Variants in PKD1L3 observed in about 807,000 individuals in gnomAD.
The protein encoded by PKD1L3 is polycystin 1 like 3, transient receptor potential channel interacting.
In PKD1L3, 239 loss-of-function variants were observed where a neutral mutation model predicts 184.1. That is an observed-to-expected ratio of 1.30 (90% CI 1.17 to 1.45). The LOEUF is 1.45. Among genes scored for constraint, PKD1L3 ranks in the 40% most tolerant of loss-of-function variants. PKD1L3 has a pLI of 0.00. For synonymous variants in PKD1L3, 996 were observed against 778.8 expected (o/e 1.28, Z -4.64); for missense variants, 2,660 against 2,067.2 (o/e 1.29, Z -5.56).
chr16:71,999,604 T>A lies in PKD1L3; in HGVS notation c.295+80A>T, dbSNP rs950389251. 9 of 1,303,954 alleles carry A rather than the reference T, an allele frequency of 6.9e-6. No homozygotes were observed. The Admixed American group carries it at 1.0e-4, about 15-fold the overall frequency. The allele number at this position is 1,303,954 out of a possible 1,614,324, so 80.8% of individuals were successfully genotyped here. The stretch of plus-strand genomic sequence containing the variant: ...TTTCTGTCTACAAAAGCAGAAAGAT[T>A]AAGATTTTCTTTTTTTTTTCTGTCC... On this transcript the variant is annotated intron_variant, in intron 1 of 29. Coordinates refer to ENST00000620267, the MANE Select transcript of PKD1L3 (RefSeq NM_181536.2).
chr16:71,935,413 T>G lies in PKD1L3; in HGVS notation c.4558A>C (p.Lys1520Gln). 1 of 1,551,882 alleles carries G rather than the reference T, an allele frequency of 6.4e-7. No homozygotes were observed. The highest frequency in any genetic ancestry group is 8.7e-7 in the Non-Finnish European group (1 of 1,146,984). ...ISFILLGLDM[K>Q]SISLHKKNMA... Reference sequence around the variant, plus strand: ...TTTTTCTTATGTAGAGAAATACTCTTCATGTCAAGCCCCAGGAGGATGAAG... The same window carrying G: ...TTTTTCTTATGTAGAGAAATACTCTGCATGTCAAGCCCCAGGAGGATGAAG... Residue 1520 changes from lysine to glutamine, a missense_variant, in exon 26 of 30, where the codon AAG (lysine) becomes CAG (glutamine). Physicochemically the swap from Lys to Gln is moderately conservative, Grantham distance 53 (BLOSUM62 1). Transcript: ENST00000620267.
chr16:71,982,017 T>C (rs2040178525), intron 7 of PKD1L3, 42 bp downstream of exon 7: 11 of 1,461,980 alleles, frequency 7.5e-6, no homozygotes, highest in Non-Finnish European at 1.0e-5. Context: ...AAGATTAAAA[T>C]GCTTCTAAGC....
At position 71,993,294 on chromosome 16, in the gene PKD1L3, C is replaced by A. The variant is rs1432061896; in HGVS notation, c.457G>T (p.Gly153Ter). 20 of 1,548,546 alleles carry A rather than the reference C, an allele frequency of 1.3e-5. No individual in the cohort carries two copies. Among genetic ancestry groups the A allele is most frequent in the Non-Finnish European group, 1.7e-5 (19 of 1,146,016 alleles). Residue 153 changes from glycine to a stop codon, truncating the protein, a stop_gained, in exon 3 of 30, where the codon GGA becomes TGA. Transcript: ENST00000620267. LOFTEE classifies it high-confidence loss of function. ...CTCTGGTACAAATGGGAATTATTTC[C>A]ATTTCTTTCATAATGGGCATCTCCG... ...LDGDAHYERN[G>*]NNSHLYQRHK...
intron 16 of PKD1L3, among the ~76,000 whole-genome samples, chr16:71,957,867 C>G (rs11647844): frequency 2.6e-5 from 4 of 151,868 alleles, no homozygotes; most frequent in Admixed American, 2.6e-4. Flanking sequence ...TTACTAGAGC[C>G]AAAGACATTT....
At chr16:71,955,888 A>C (rs981766095) in intron 16 of PKD1L3, among the ~76,000 whole-genome samples, 1 of 152,178 alleles carries the variant, frequency 6.6e-6, no homozygotes, top group Non-Finnish European at 1.5e-5. Flanking sequence ...CCCTTCTGCC[A>C]TGATTGTAAG....
chr16:71,978,160 A>G (rs1459084864), intron 10 of PKD1L3, 95 bp downstream of exon 10: 18 of 1,357,516 alleles, frequency 1.3e-5, no homozygotes, highest in Middle Eastern at 2.0e-4. Context: ...ACTGCCATCA[A>G]TCTAACATAA....
intron 5 of PKD1L3, among the ~76,000 whole-genome samples, chr16:71,984,816 G>A (rs369637742): frequency 1.9e-4 from 29 of 152,274 alleles, no homozygotes; most frequent in South Asian, 6.2e-4. Context: ...CCGAGATTGC[G>A]CCACTGCACT....
chr16:71,977,599 G>A (rs1290775172), intron 10 of PKD1L3, 132 bp from the exon 11 acceptor site: 1 of 633,668 alleles, frequency 1.6e-6, no homozygotes, highest in Middle Eastern at 4.5e-4. Flanking sequence ...GTCTTGCTAT[G>A]TTGGCCACGT....
At chr16:71,988,276 C>A (rs2040451432) in intron 4 of PKD1L3, among the ~76,000 whole-genome samples, 1 of 152,162 alleles carries the variant, frequency 6.6e-6, no homozygotes, top group African/African-American at 2.4e-5. Flanking sequence ...CTCACCGCAA[C>A]CTCCACCTCC....
At chr16:71,952,799 C>T in intron 18 of PKD1L3, 95 bp downstream of exon 18, 1 of 1,323,804 alleles carries the variant, frequency 7.6e-7, no homozygotes, top group Non-Finnish European at 1.0e-6. Flanking sequence ...GGTTGCACCA[C>T]TACACTCCAG....
intron 2 of PKD1L3, among the ~76,000 whole-genome samples, chr16:71,997,997 G>A (rs117764199): frequency 6.6e-6 from 1 of 152,064 alleles, no homozygotes; most frequent in African/African-American, 2.4e-5. Flanking sequence ...TGTGGAAAAT[G>A]GTGTCACCAA....
intron 16 of PKD1L3, among the ~76,000 whole-genome samples, chr16:71,961,530 A>G (rs1174878824): frequency 6.6e-6 from 1 of 150,796 alleles, no homozygotes; most frequent in Non-Finnish European, 1.5e-5. Flanking sequence ...CCTGTGAAAA[A>G]TGCCACTCTC....
chr16:71,963,176 C>T (rs912921056), intron 16 of PKD1L3, 29 bp downstream of exon 16: 4 of 1,511,744 alleles, frequency 2.6e-6, no homozygotes, highest in East Asian at 2.5e-5. Context: ...CATCAATATT[C>T]ACTGTTAATA....
intron 11 of PKD1L3, among the ~76,000 whole-genome samples, chr16:71,975,540 A>T (rs6499554): frequency 1.1e-4 from 16 of 151,974 alleles, no homozygotes; most frequent in Non-Finnish European, 2.2e-4. Flanking sequence ...TCTACAATAT[A>T]TAAATGTGAA....
intron 12 of PKD1L3, 103 bp downstream of exon 12, chr16:71,973,221 G>A: frequency 2.2e-6 from 3 of 1,334,918 alleles, no homozygotes; most frequent in East Asian, 2.5e-5. Flanking sequence ...CAAACCACCT[G>A]ATTATTTTTC....
intron 17 of PKD1L3, 23 bp from the exon 18 acceptor site, chr16:71,953,116 A>G: frequency 7.0e-7 from 1 of 1,437,080 alleles, no homozygotes; most frequent in Non-Finnish European, 9.2e-7. Flanking sequence ...CATGACATCA[A>G]CTTTCATCTT....
At position 71,951,625 on chromosome 16, in the gene PKD1L3, G is replaced by A. The variant is rs545366386; in HGVS notation, c.3129C>T (p.Leu1043=). ...ITKLVKLLSS[L]VSSHLEGQGC... The stretch of plus-strand genomic sequence containing the variant: ...CTTGACCCTCCAAGTGAGATGATAC[G>A]AGGCTGGATAAAAGTTTCACCAGCT... The change falls in exon 19 of 30, where the codon CTC becomes CTT. Residue 1043 remains leucine (L), a synonymous_variant. Coordinates refer to ENST00000620267, the MANE Select transcript of PKD1L3 (RefSeq NM_181536.2). The A allele has an allele frequency of 3.8e-5, 59 of 1,551,760 alleles. No homozygotes were observed. The highest frequency in any genetic ancestry group is 3.4e-4 in the African/African-American group (25 of 73,152).
chr16:71,976,541 G>C (rs1339681129), intron 11 of PKD1L3, among the ~76,000 whole-genome samples: 1 of 152,064 alleles, frequency 6.6e-6, no homozygotes, highest in Non-Finnish European at 1.5e-5. Flanking sequence ...ACAGGTATGA[G>C]CCACTCTGCC....
intron 25 of PKD1L3, among the ~76,000 whole-genome samples, chr16:71,936,300 G>A (rs1277889813): frequency 6.7e-6 from 1 of 148,426 alleles, no homozygotes; most frequent in Non-Finnish European, 1.5e-5. Flanking sequence ...CTGCCTCCCA[G>A]GTTCAAGCAA....
Sources: allele counts gnomAD v4.1 joint callset (sites outside exome capture counted in the v4.1 genomes callset), GRCh38; gene constraint gnomAD v4.1.1; transcripts MANE v1.5; gene names NCBI Gene and HGNC (gene_info 2026-07-23, HGNC 2026-07-21).